REV1: variants seen among roughly 807,000 people sequenced by gnomAD.
The protein encoded by REV1 is translesion synthesis protein REV1.
Under a neutral mutation model 137.4 loss-of-function variants are expected in REV1, and 42 were observed. That is an observed-to-expected ratio of 0.31 (90% CI 0.24 to 0.40). REV1 has a LOEUF of 0.40. REV1 is among the 10% of genes least tolerant of loss of function. The pLI, the probability that REV1 is intolerant of heterozygous loss-of-function variation, is 1.00. For missense variants in REV1, 1,282 were observed against 1,490.1 expected (o/e 0.86, Z 2.30); for synonymous variants, 524 against 519.2 (o/e 1.01, Z -0.12).
At chr2:99,424,637 CA>C in intron 9 of REV1, 2 of 660,392 alleles carry the variant, frequency 3.0e-6, no homozygotes, top group South Asian at 3.7e-5. Context: ...AATATGCTGT[CA>C]AAAAGAGGTT....
intron 3 of REV1, among the ~76,000 whole-genome samples, chr2:99,455,943 T>C (rs1159369293): frequency 6.6e-6 from 1 of 152,148 alleles, no homozygotes; most frequent in African/African-American, 2.4e-5. Flanking sequence ...AAAGACCTGG[T>C]CTTTTACCCA....
At chr2:99,432,450 C>G (rs1389083726) in intron 8 of REV1, among the ~76,000 whole-genome samples, 2 of 151,800 alleles carry the variant, frequency 1.3e-5, no homozygotes, top group Non-Finnish European at 2.9e-5. Context: ...CAGGGAATAA[C>G]AAGCAAAGAG....
At chr2:99,436,080 C>G (rs899724371) in intron 6 of REV1, 139 bp from the exon 7 acceptor site, 1 of 618,456 alleles carries the variant, frequency 1.6e-6, no homozygotes, top group African/African-American at 1.9e-5. Flanking sequence ...GAATTGAGTA[C>G]AGATTATTTC....
intron 2 of REV1, 111 bp downstream of exon 2, chr2:99,464,808 TGTG>T: frequency 1.1e-6 from 1 of 943,420 alleles, no homozygotes. Context: ...AACTCAAAGA[TGTG>T]GTGTCTAAAG....
chr2:99,477,911 G>A (rs1643115612), intron 1 of REV1, among the ~76,000 whole-genome samples: 1 of 152,122 alleles, frequency 6.6e-6, no homozygotes, highest in African/African-American at 2.4e-5. Flanking sequence ...CCATAGAAAG[G>A]GAAAGAAGTA....
chr2:99,486,141 GA>G (rs1473209763), intron 1 of REV1, among the ~76,000 whole-genome samples: 2 of 152,142 alleles, frequency 1.3e-5, no homozygotes, highest in African/African-American at 4.8e-5. Context: ...TGTTAAAAAA[GA>G]AAAAAATTCA....
intron 12 of REV1, among the ~76,000 whole-genome samples, chr2:99,414,282 T>C (rs1677559734): frequency 1.3e-5 from 2 of 152,220 alleles, no homozygotes; most frequent in South Asian, 4.1e-4. Context: ...AACCAGTATA[T>C]AACACAAGGT....
intron 17 of REV1, 190 bp downstream of exon 17, chr2:99,405,720 C>CTT (rs776548176): frequency 3.0e-5 from 13 of 427,192 alleles, no homozygotes; most frequent in Non-Finnish European, 5.2e-5. Context: ...TGCAAAAGCA[C>CTT]TTTCACTCAA....
At chr2:99,404,731 T>TGTTTGGGA in intron 17 of REV1, 54 bp from the exon 18 acceptor site, 1 of 1,189,790 alleles carries the variant, frequency 8.4e-7, no homozygotes. Context: ...AGAGATGAGG[T>TGTTTGGGA]GTTTGGGAGT....
intron 17 of REV1, 31 bp downstream of exon 17, chr2:99,405,879 T>A: frequency 7.2e-7 from 1 of 1,391,008 alleles, no homozygotes; most frequent in Non-Finnish European, 9.7e-7. Context: ...GAGTATAAAA[T>A]GTACTTATAT....
intron 3 of REV1, among the ~76,000 whole-genome samples, chr2:99,458,921 T>C (rs1020194938): frequency 3.9e-5 from 6 of 152,082 alleles, no homozygotes; most frequent in African/African-American, 1.4e-4. Flanking sequence ...ATCTTTGTAG[T>C]GTGGAGGCCG....
chr2:99,475,800 T>C (rs1685906812), intron 1 of REV1, among the ~76,000 whole-genome samples: 1 of 152,054 alleles, frequency 6.6e-6, no homozygotes, highest in African/African-American at 2.4e-5. Flanking sequence ...CTGGTCAACA[T>C]GGTAAAACCC....
At chr2:99,477,299 A>G (rs1022549152) in intron 1 of REV1, among the ~76,000 whole-genome samples, 1 of 152,176 alleles carries the variant, frequency 6.6e-6, no homozygotes, top group African/African-American at 2.4e-5. Flanking sequence ...AATATGAACC[A>G]TATTCCTAAA....
chr2:99,441,669 G>A (rs976056323), intron 5 of REV1, among the ~76,000 whole-genome samples: 2 of 152,072 alleles, frequency 1.3e-5, no homozygotes, highest in Non-Finnish European at 2.9e-5. Context: ...GGTGCAGTTA[G>A]TTCCATTTTT....
chr2:99,475,602 G>A (rs916509247), intron 1 of REV1, among the ~76,000 whole-genome samples: 50 of 152,100 alleles, frequency 3.3e-4, no homozygotes, highest in Admixed American at 1.9e-3. Flanking sequence ...ATGATTCTGC[G>A]CTTGAACCCA....
At chr2:99,425,016 C>G in intron 9 of REV1, 1 of 723,650 alleles carries the variant, frequency 1.4e-6, no homozygotes, top group Non-Finnish European at 1.9e-6. Context: ...TAGTAAAATT[C>G]TATTTTATCA....
intron 9 of REV1, 85 bp from the exon 10 acceptor site, chr2:99,424,365 G>A (rs1227710493): frequency 3.0e-6 from 4 of 1,343,116 alleles, no homozygotes; most frequent in African/African-American, 1.5e-5. Flanking sequence ...ATCTCCCCAT[G>A]CCACTAATTT....
intron 12 of REV1, among the ~76,000 whole-genome samples, chr2:99,417,077 G>GT (rs1199819881): frequency 2.6e-5 from 4 of 152,114 alleles, no homozygotes; most frequent in Non-Finnish European, 5.9e-5. Flanking sequence ...GGACTAAACT[G>GT]TGTCTTCCCC....
Position 99,402,998 on chromosome 2 carries a change from T to C in REV1, c.3275A>G (p.Asn1092Ser). ...TTTTGCAGGACTGTTAAGCAGCTTG[T>C]TATTCAAAGGACTCTGAATCCTTTT... is the stretch of plus-strand genomic sequence containing the variant. Reference protein sequence around the residue: ...SPKRIQSPLNNKLLNSPAKTL... With the variant: ...SPKRIQSPLNSKLLNSPAKTL... The change falls in exon 20 of 23, where the codon AAC (asparagine) becomes AGC (serine). Residue 1092 changes from asparagine (N) to serine (S), a missense_variant. This residue lies in a region of REV1 where 170 missense variants were observed against 156.8 expected (regional missense o/e 1.08). Transcript: ENST00000258428. The C allele has an allele frequency of 3.7e-6, 6 of 1,614,198 alleles. No individual in the cohort carries two copies. The highest frequency in any genetic ancestry group is 5.1e-6 in the Non-Finnish European group (6 of 1,180,004).
Sources: allele counts gnomAD v4.1 joint callset (sites outside exome capture counted in the v4.1 genomes callset), GRCh38; gene constraint gnomAD v4.1.1; regional missense constraint gnomAD v4.1.1; transcripts MANE v1.5; gene names NCBI Gene and HGNC (gene_info 2026-07-23, HGNC 2026-07-21).